Variants in HIVEP3 observed in about 807,000 individuals in gnomAD.
The protein encoded by HIVEP3 is transcription factor HIVEP3.
A neutral mutation model predicts 152.8 loss-of-function variants in HIVEP3; 49 were observed. That is an observed-to-expected ratio of 0.32 (90% CI 0.26 to 0.41). The LOEUF (loss-of-function observed/expected upper bound fraction) is 0.41. Among genes scored for constraint, HIVEP3 ranks in the 10% least tolerant of loss-of-function variants. HIVEP3 has a pLI of 1.00. For missense variants in HIVEP3, 2,790 were observed against 3,103.3 expected, an observed-to-expected ratio of 0.90 and a Z score of 2.40; for synonymous variants, 1,269 against 1,289.0, an observed-to-expected ratio of 0.98 and a Z score of 0.33.
At chr1:42,004,930 T>C (rs987956523) in intron 1 of HIVEP3, among the ~76,000 whole-genome samples, 9 of 152,072 alleles carry the variant, frequency 5.9e-5, no homozygotes, top group African/African-American at 1.9e-4. Context: ...AATATTAGAG[T>C]TTGCTGTAAA....
At chr1:41,634,987 T>C (rs1189959487) in intron 2 of HIVEP3, among the ~76,000 whole-genome samples, 1 of 152,192 alleles carries the variant, frequency 6.6e-6, no homozygotes, top group Non-Finnish European at 1.5e-5. Context: ...TAAGTTTAAC[T>C]TCATATACAT....
At chr1:42,016,767 C>T (rs1305794984) in intron 1 of HIVEP3, among the ~76,000 whole-genome samples, 2 of 152,150 alleles carry the variant, frequency 1.3e-5, no homozygotes, top group Admixed American at 1.3e-4. Flanking sequence ...TTCTACCAGA[C>T]ATAGTATACT....
chr1:41,911,200 C>T (rs1164001129), intron 1 of HIVEP3, among the ~76,000 whole-genome samples: 1 of 151,912 alleles, frequency 6.6e-6, no homozygotes, highest in African/African-American at 2.4e-5. Context: ...GGGCAAAAGG[C>T]TTAAAGAGGT....
intron 2 of HIVEP3, among the ~76,000 whole-genome samples, chr1:41,636,743 G>C (rs1166282415): frequency 6.6e-6 from 1 of 152,116 alleles, no homozygotes; most frequent in Non-Finnish European, 1.5e-5. Context: ...TGGATCACTT[G>C]AGGTCAGGAG....
At chr1:41,631,354 T>C (rs899311771) in intron 2 of HIVEP3, among the ~76,000 whole-genome samples, 1 of 152,188 alleles carries the variant, frequency 6.6e-6, no homozygotes, top group Non-Finnish European at 1.5e-5. Context: ...GCCCGTACTT[T>C]AATGAGTCCG....
In HIVEP3 at chr1:41,628,959, G is replaced by T; in HGVS notation, c.-720-12C>A. 1 of 1,229,732 alleles carries T rather than the reference G, an allele frequency of 8.1e-7. No homozygotes were observed. The highest frequency in any genetic ancestry group is 1.0e-6 in the Non-Finnish European group (1 of 986,998). The allele number at this position is 1,229,732 out of a possible 1,614,324, so 76.2% of individuals were successfully genotyped here. A position where few individuals can be genotyped will look rare whatever the true frequency, so the allele number is the denominator to read the frequency against. On this transcript the variant is annotated splice_polypyrimidine_tract_variant and intron_variant, in intron 2 of 8. Coordinates refer to ENST00000372583, the MANE Select transcript of HIVEP3 (RefSeq NM_024503.5). The stretch of plus-strand genomic sequence containing the variant: ...TTGTGCCTCGAATCCTGCAGGAGAT[G>T]ATTGAGAAACATGGTCAAAGAACTT...
chr1:41,686,290 T>C (rs1158620077), intron 2 of HIVEP3, among the ~76,000 whole-genome samples: 1 of 152,082 alleles, frequency 6.6e-6, no homozygotes, highest in African/African-American at 2.4e-5. Context: ...GCCAGGCTGG[T>C]CTCGAATTCC....
intron 2 of HIVEP3, 96 bp from the exon 3 acceptor site, chr1:41,629,043 C>T (rs1439948552): frequency 3.3e-6 from 3 of 902,236 alleles, no homozygotes; most frequent in Non-Finnish European, 4.3e-6. Context: ...AGGACACACC[C>T]CCCAACTACT....
chr1:41,515,640 G>T (rs1458530091), intron 7 of HIVEP3, among the ~76,000 whole-genome samples: 10 of 152,176 alleles, frequency 6.6e-5, no homozygotes, highest in Admixed American at 6.5e-4. Flanking sequence ...GCATTATTAC[G>T]CTGACAGTTT....
intron 1 of HIVEP3, among the ~76,000 whole-genome samples, chr1:41,958,224 A>G (rs557277519): frequency 1.3e-5 from 2 of 152,260 alleles, no homozygotes; most frequent in East Asian, 3.9e-4. Flanking sequence ...GGCACATCTC[A>G]AGGCACTAAT....
chr1:41,932,461 G>C (rs2124481129), intron 1 of HIVEP3, among the ~76,000 whole-genome samples: 1 of 151,894 alleles, frequency 6.6e-6, no homozygotes, highest in South Asian at 2.1e-4. Flanking sequence ...AAATTTATGG[G>C]CACAGAGTTG....
Position 41,567,897 on chromosome 1 carries a change from C to T in HIVEP3, c.5207+7647G>A, listed in dbSNP as rs143959935. Reference sequence around the variant, plus strand: ...AGGCTGATGGATGGGTTCTCACTGGCCTGGTTTCGCCTTCGTTGTGTCCTT... The same window carrying T: ...AGGCTGATGGATGGGTTCTCACTGGTCTGGTTTCGCCTTCGTTGTGTCCTT... On this transcript the variant is annotated intron_variant, in intron 5 of 8. Coordinates refer to ENST00000372583, the MANE Select transcript of HIVEP3 (RefSeq NM_024503.5). 1.1e-4 allele frequency among the ~76,000 whole-genome samples: 17 copies of T among 152,358 alleles called. No homozygotes were observed. The East Asian group carries it at 2.9e-3, about 26-fold the overall frequency.
chr1:41,624,158 C>T (rs1213643391), intron 3 of HIVEP3, among the ~76,000 whole-genome samples: 1 of 152,122 alleles, frequency 6.6e-6, no homozygotes, highest in African/African-American at 2.4e-5. Flanking sequence ...TTCTCCCCTC[C>T]CCATCTCTCC....
rs753401592 is a variant in HIVEP3 at position 41,584,636 on chromosome 1, T to C, written c.162A>G (p.Leu54=). ...ATQESPAQEL[L]APQPFPGPSS... ...AGGGGCCCGGGAAGGGCTGCGGGGC[T>C]AAGAGCTCTTGGGCGGGGCTCTCTT... The change falls in exon 4 of 9, where the codon TTA becomes TTG. Residue 54 remains leucine, a synonymous_variant. Coordinates refer to ENST00000372583, the MANE Select transcript of HIVEP3 (RefSeq NM_024503.5). The surrounding 1 kb of genome is among the most constrained non-coding windows in gnomAD (Gnocchi z 5.2). The C allele has an allele frequency of 3.7e-6, 6 of 1,604,408 alleles. No homozygotes were observed. In the South Asian group the frequency reaches 4.5e-5, roughly 12 times the overall value.
chr1:41,978,319 C>G (rs1209322555), intron 1 of HIVEP3, among the ~76,000 whole-genome samples: 1 of 152,012 alleles, frequency 6.6e-6, no homozygotes, highest in Non-Finnish European at 1.5e-5. Context: ...TATGTTGAAG[C>G]CCTAAGCCCC....
rs774126861 is a variant in HIVEP3 at position 41,584,075 on chromosome 1, G to C, written c.723C>G (p.Ser241=). The C allele has an allele frequency of 1.9e-5, 30 of 1,614,078 alleles. No individual in the cohort carries two copies. The highest frequency in any genetic ancestry group is 2.4e-5 in the Non-Finnish European group (28 of 1,180,040). The change falls in exon 4 of 9, where the codon TCC becomes TCG. Residue 241 remains serine (S), a synonymous_variant. Transcript: ENST00000372583. The surrounding 1 kb of genome is among the most constrained non-coding windows in gnomAD (Gnocchi z 5.2). The part of the protein sequence containing the change: ...TKSNLYKHRK[S]HAHRIKAGLA... ...GGCCTGCTTTGATGCGGTGGGCATG[G>C]GACTTCCTGTGCTTGTAGAGATTAC...
chr1:41,904,282 C>T (rs1409930988), intron 1 of HIVEP3, among the ~76,000 whole-genome samples: 1 of 152,096 alleles, frequency 6.6e-6, no homozygotes, highest in Non-Finnish European at 1.5e-5. Context: ...CTGTGCCTCC[C>T]CACACAGCTT....
At chr1:41,534,253 C>G (rs1338428213) in intron 5 of HIVEP3, among the ~76,000 whole-genome samples, 2 of 152,240 alleles carry the variant, frequency 1.3e-5, no homozygotes, top group South Asian at 4.1e-4. Context: ...ACCATCGGAG[C>G]GAAGCCCTGC....
Position 41,890,322 on chromosome 1 carries a change from A to G in HIVEP3, c.-801+28091T>C, listed in dbSNP as rs567527123. Among the ~76,000 whole-genome samples, 15 of 152,330 alleles carry G rather than the reference A, an allele frequency of 9.8e-5. 1 individual carries two copies. The South Asian group carries it at 3.1e-3, about 32-fold the overall frequency. On this transcript the variant is annotated intron_variant, in intron 1 of 8. Coordinates refer to ENST00000372583, the MANE Select transcript of HIVEP3 (RefSeq NM_024503.5). ...GTACTTACAGCCTAAAGGGAGAAAC[A>G]GAAAAGTGAACAAGAGCTAGGGTAG... is the stretch of plus-strand genomic sequence containing the variant.
Sources: allele counts gnomAD v4.1 joint callset (sites outside exome capture counted in the v4.1 genomes callset), GRCh38; gene constraint gnomAD v4.1.1; non-coding constraint Gnocchi (gnomAD v3.1); transcripts MANE v1.5; gene names NCBI Gene and HGNC (gene_info 2026-07-23, HGNC 2026-07-21).